Variants in SYT14 observed in about 807,000 individuals in gnomAD.
The protein encoded by SYT14 is synaptotagmin-14.
In SYT14, 32 loss-of-function variants were observed where a neutral mutation model predicts 74.2. The ratio of observed to expected loss-of-function variants is 0.43; its 90% CI spans 0.33 to 0.58. The LOEUF is 0.58. SYT14 is among the 20% of genes least tolerant of loss of function. The probability of loss-of-function intolerance (pLI) is 0.05; values close to 1 mark genes in which losing one functional copy is unlikely to be tolerated. For missense variants in SYT14, 791 were observed against 981.8 expected, an observed-to-expected ratio of 0.81 and a Z score of 2.60; for synonymous variants, 298 against 337.7, an observed-to-expected ratio of 0.88 and a Z score of 1.29.
chr1:210,072,105 A>G (rs188527265), intron 5 of SYT14, among the ~76,000 whole-genome samples: 1 of 149,586 alleles, frequency 6.7e-6, no homozygotes, highest in Admixed American at 6.7e-5. Context: ...TTTTTAAAAT[A>G]ATTAGCTGAT....
At chr1:209,968,436 A>G (rs770849461) in intron 2 of SYT14, among the ~76,000 whole-genome samples, 2 of 152,054 alleles carry the variant, frequency 1.3e-5, no homozygotes, top group Non-Finnish European at 2.9e-5. Context: ...CATATGGTAG[A>G]TACTATATGA....
chr1:209,953,368 A>C (rs548578025), intron 2 of SYT14: 4 of 633,060 alleles, frequency 6.3e-6, no homozygotes, highest in Non-Finnish European at 9.4e-6. Context: ...TCACAAATCT[A>C]TGAAATCATA....
intron 5 of SYT14, among the ~76,000 whole-genome samples, chr1:210,031,163 T>C (rs908683961): frequency 6.7e-6 from 1 of 149,616 alleles, no homozygotes; most frequent in African/African-American, 2.5e-5. Context: ...GTTTTCAATA[T>C]AGCTTGCTAT....
At chr1:210,138,682 T>C (rs1211379176) in intron 7 of SYT14, among the ~76,000 whole-genome samples, 1 of 152,170 alleles carries the variant, frequency 6.6e-6, no homozygotes, top group Non-Finnish European at 1.5e-5. Context: ...ATTTAAAAAA[T>C]CAGGTAGTTT....
At chr1:210,117,455 A>G (rs1441548680) in intron 7 of SYT14, among the ~76,000 whole-genome samples, 1 of 152,162 alleles carries the variant, frequency 6.6e-6, no homozygotes, top group Non-Finnish European at 1.5e-5. Context: ...TTGTAAAACA[A>G]TTTGTAATAA....
intron 5 of SYT14, among the ~76,000 whole-genome samples, chr1:210,089,073 T>C (rs2081807483): frequency 6.6e-6 from 1 of 152,054 alleles, no homozygotes; most frequent in Non-Finnish European, 1.5e-5. Context: ...TGTTCCCATC[T>C]CTGTGTCCAT....
exon 10 of SYT14, chr1:210,171,071 C>A (rs1273435466): frequency 6.6e-6 from 1 of 152,118 alleles, no homozygotes. Flanking sequence ...TCCTGTTTAA[C>A]AAAATAATTT....
intron 5 of SYT14, among the ~76,000 whole-genome samples, chr1:210,024,692 T>C (rs1323714422): frequency 2.0e-5 from 3 of 152,148 alleles, no homozygotes; most frequent in African/African-American, 7.2e-5. Flanking sequence ...ATAGAAACTA[T>C]GGGCATGAAT....
intron 2 of SYT14, among the ~76,000 whole-genome samples, chr1:209,977,548 G>T (rs1013674357): frequency 6.6e-5 from 10 of 152,150 alleles, no homozygotes; most frequent in African/African-American, 2.4e-4. Flanking sequence ...CTGTCTTCTG[G>T]CTTGTAGAGT....
At position 210,009,425 on chromosome 1, in the gene SYT14, A is replaced by C. The variant is rs531492029; in HGVS notation, c.-485-4208A>C. On this transcript the variant is annotated intron_variant, in intron 2 of 9. Coordinates refer to ENST00000637265, the Ensembl canonical transcript of SYT14. ...ATAAAATATTTTTAATGAATGTGAA[A>C]AACAGGCATTCAGTCAGGGTATTGT... 2.0e-5 allele frequency among the ~76,000 whole-genome samples: 3 copies of C among 152,282 alleles called. No individual in the cohort carries two copies. The South Asian group carries it at 6.2e-4, about 32-fold the overall frequency.
intron 9 of SYT14, 23 bp downstream of exon 8, chr1:210,159,500 T>C: frequency 6.4e-7 from 1 of 1,550,462 alleles, no homozygotes; most frequent in South Asian, 1.2e-5. Flanking sequence ...AGAGGCTAAT[T>C]GGATGTTGTC....
intron 7 of SYT14, among the ~76,000 whole-genome samples, chr1:210,141,067 A>C (rs1444151266): frequency 6.7e-6 from 1 of 150,210 alleles, no homozygotes; most frequent in Non-Finnish European, 1.5e-5. Flanking sequence ...AAAAAAAAGA[A>C]GGCCATAGCA....
intron 5 of SYT14, among the ~76,000 whole-genome samples, chr1:210,043,172 T>G (rs1173564329): frequency 6.6e-6 from 1 of 152,152 alleles, no homozygotes; most frequent in Non-Finnish European, 1.5e-5. Flanking sequence ...TTGTAGAACC[T>G]TTTTCAATTC....
intron 2 of SYT14, among the ~76,000 whole-genome samples, chr1:209,989,562 G>A (rs2079629314): frequency 6.6e-6 from 1 of 151,890 alleles, no homozygotes; most frequent in Admixed American, 6.6e-5. Context: ...TACTTATTAA[G>A]TTTTAACATT....
intron 2 of SYT14, among the ~76,000 whole-genome samples, chr1:209,989,536 G>T (rs1245883003): frequency 1.3e-5 from 2 of 152,162 alleles, no homozygotes; most frequent in African/African-American, 4.8e-5. Flanking sequence ...CATTTCATTT[G>T]ATTTCTGAAT....
At chr1:210,136,928 G>GGGT (rs2082798633) in intron 7 of SYT14, among the ~76,000 whole-genome samples, 2 of 152,128 alleles carry the variant, frequency 1.3e-5, no homozygotes, top group African/African-American at 4.8e-5. Context: ...GAATCTGTGA[G>GGGT]CCAGGTGGAA....
intron 5 of SYT14, among the ~76,000 whole-genome samples, chr1:210,064,015 C>G (rs1224685349): frequency 6.6e-6 from 1 of 151,952 alleles, no homozygotes; most frequent in Non-Finnish European, 1.5e-5. Context: ...ATCCATTTTT[C>G]CAAATCATTT....
chr1:209,952,752 A>G (rs2102680689), exon 2 of SYT14: 1 of 1,609,922 alleles, frequency 6.2e-7, no homozygotes, highest in Non-Finnish European at 8.5e-7. Context: ...TCTGTATTAG[A>G]AAAGGTAAGT....
intron 2 of SYT14, among the ~76,000 whole-genome samples, chr1:209,961,713 GAGATGAATC>G (rs961563569): frequency 3.3e-5 from 5 of 152,070 alleles, no homozygotes; most frequent in Non-Finnish European, 7.4e-5. Flanking sequence ...ACTCTTACTA[GAGATGAATC>G]AGATGTATTT....
Sources: allele counts gnomAD v4.1 joint callset (sites outside exome capture counted in the v4.1 genomes callset), GRCh38; gene constraint gnomAD v4.1.1; transcripts MANE v1.5; gene names NCBI Gene and HGNC (gene_info 2026-07-23, HGNC 2026-07-21).